WBP11: variants seen among roughly 807,000 people sequenced by gnomAD.
WBP11 encodes WW domain-binding protein 11.
WBP11 carries 12 observed loss-of-function variants against 66.7 expected under a neutral mutation model. The observed-to-expected ratio is 0.18, with a 90% CI of 0.12 to 0.29. WBP11 has a LOEUF of 0.29. WBP11 is among the 10% of genes least tolerant of loss of function. The pLI, the probability that WBP11 is intolerant of heterozygous loss-of-function variation, is 1.00. For missense variants in WBP11, 555 were observed against 818.3 expected, an observed-to-expected ratio of 0.68 and a Z score of 3.93; for synonymous variants, 255 against 273.8, an observed-to-expected ratio of 0.93 and a Z score of 0.68.
In WBP11 at chr12:14,796,786, C is replaced by CA. The variant is rs71438330; in HGVS notation, c.387+20dup. The CA allele has an allele frequency of 0.16, 223,001 of 1,364,244 alleles. 8,527 individuals are homozygous for CA. Among genetic ancestry groups the CA allele is most frequent in the South Asian group, 0.25 (18,063 of 71,250 alleles). The allele number at this position is 1,364,244 out of a possible 1,614,324, so 84.5% of individuals were successfully genotyped here. A position where few individuals can be genotyped will look rare whatever the true frequency, so the allele number is the denominator to read the frequency against. ...CTGTATAATATTTTAGTTTATCTCTCAAAAAAAAAACCTTGATTACCTTGA... is the reference window on the plus strand; with the variant it reads ...CTGTATAATATTTTAGTTTATCTCTCAAAAAAAAAAACCTTGATTACCTTGA... On this transcript the variant is annotated intron_variant, in intron 5 of 11. Transcript: ENST00000261167. This position sits in a 1 kb window ranked among gnomAD's most constrained non-coding sequence, Gnocchi z 4.5.
intron 10 of WBP11, 70 bp downstream of exon 10, chr12:14,790,386 A>G: frequency 6.5e-7 from 1 of 1,533,266 alleles, no homozygotes; most frequent in East Asian, 2.3e-5. Context: ...CACTAACAAC[A>G]CATAGTATTT....
At chr12:14,797,548 T>C (rs1045492991) in intron 4 of WBP11, among the ~76,000 whole-genome samples, 6 of 152,232 alleles carry the variant, frequency 3.9e-5, no homozygotes, top group Admixed American at 3.9e-4. Context: ...TCTCCCTAAC[T>C]AATCATGTGT....
In WBP11 at chr12:14,789,047, G is replaced by GGCCTGGTGGTGGTCC. The variant is rs1949790096; in HGVS notation, c.1381_1395dup (p.Gly461_Gly465dup). 6.6e-7 allele frequency: 1 copy of GGCCTGGTGGTGGTCC among 1,510,730 alleles called. No individual in the cohort carries two copies. Among genetic ancestry groups the GGCCTGGTGGTGGTCC allele is most frequent in the Non-Finnish European group, 8.7e-7 (1 of 1,144,050 alleles). 93.6% of individuals were successfully genotyped at this position (1,510,730 alleles called of 1,614,324 possible). Reference sequence around the variant, plus strand: ...GGACCTGGGGGAGGGCCAGGGGGTCGGCCTGGTGGTGGTCCTGGAGGTAAA... The same window carrying GGCCTGGTGGTGGTCC: ...GGACCTGGGGGAGGGCCAGGGGGTCGGCCTGGTGGTGGTCCGCCTGGTGGTGGTCCTGGAGGTAAA... On this transcript the variant is annotated inframe_insertion, in exon 11 of 12. Coordinates refer to ENST00000261167, the MANE Select transcript of WBP11 (RefSeq NM_016312.3).
intron 2 of WBP11, 98 bp from the exon 3 acceptor site, chr12:14,800,881 A>G: frequency 9.5e-7 from 1 of 1,048,306 alleles, no homozygotes; most frequent in Admixed American, 2.3e-5. Context: ...GTGGAAAGTT[A>G]CAGTATGCAC....
Position 14,801,394 on chromosome 12 carries a change from T to C in WBP11, c.-11A>G. On this transcript the variant is annotated 5_prime_UTR_variant, in exon 2 of 12. Coordinates refer to ENST00000261167, the MANE Select transcript of WBP11 (RefSeq NM_016312.3). Reference sequence around the variant, plus strand: ...AGATCTCCGTCCCATGTTGACAATTTGTATGGTTTACTTGTTCATTAAAAA... The same window carrying C: ...AGATCTCCGTCCCATGTTGACAATTCGTATGGTTTACTTGTTCATTAAAAA... The C allele has an allele frequency of 6.2e-7, 1 of 1,610,254 alleles. No homozygotes were observed. The highest frequency in any genetic ancestry group is 8.5e-7 in the Non-Finnish European group (1 of 1,178,460).
intron 4 of WBP11, among the ~76,000 whole-genome samples, chr12:14,797,986 CTTAA>C (rs779582072): frequency 1.5e-4 from 23 of 152,098 alleles, no homozygotes; most frequent in East Asian, 3.8e-4. Flanking sequence ...GTTAAGACTT[CTTAA>C]TTAAGACAGC....
chr12:14,788,618 A>G (rs1465609064), intron 11 of WBP11, among the ~76,000 whole-genome samples: 1 of 152,214 alleles, frequency 6.6e-6, no homozygotes, highest in East Asian at 1.9e-4. Context: ...CCTTGACATT[A>G]GGTAGAGGTA....
intron 8 of WBP11, 102 bp from the exon 9 acceptor site, chr12:14,791,372 T>A: frequency 1.2e-6 from 1 of 861,084 alleles, no homozygotes; most frequent in Non-Finnish European, 1.8e-6. Context: ...TGCTACCCAC[T>A]ACTTGGCAGA....
rs1178924789 is a variant in WBP11, at chr12:14,799,841, A to G, written c.97-113T>C. ...CCTTGGCTTCTGATCACTTGTTTCA[A>G]CCACCAGAAACAGCTATGTAATTTT... On this transcript the variant is annotated intron_variant, in intron 3 of 11. Transcript: ENST00000261167. The G allele has an allele frequency of 6.7e-6, 6 of 897,558 alleles. No homozygotes were observed. In the African/African-American group the frequency reaches 1.0e-4, roughly 16 times the overall value. 55.6% of individuals were successfully genotyped at this position (897,558 alleles called of 1,614,324 possible).
Position 14,786,839 on chromosome 12 carries a change from G to A in WBP11, c.*226C>T, listed in dbSNP as rs1949759331. 2.2e-6 allele frequency: 1 copy of A among 450,196 alleles called. No individual in the cohort carries two copies. Among genetic ancestry groups the A allele is most frequent in the Non-Finnish European group, 3.9e-6 (1 of 253,898 alleles). The allele number at this position is 450,196 out of a possible 1,614,324, so 27.9% of individuals were successfully genotyped here. On this transcript the variant is annotated 3_prime_UTR_variant, in exon 12 of 12. Transcript: ENST00000261167. ...CAGGGTGAAAATGGTGGTATGAAAG[G>A]GAATGGATGTTAGCAGCACTGCTTC...
In WBP11 at chr12:14,796,656, T is replaced by C; in HGVS notation, c.387+151A>G. 1 of 646,424 alleles carries C rather than the reference T, an allele frequency of 1.5e-6. No individual in the cohort carries two copies. The highest frequency in any genetic ancestry group is 1.9e-5 in the African/African-American group (1 of 52,240). 40.0% of individuals were successfully genotyped at this position (646,424 alleles called of 1,614,324 possible). On this transcript the variant is annotated intron_variant, in intron 5 of 11. Coordinates refer to ENST00000261167, the MANE Select transcript of WBP11 (RefSeq NM_016312.3). The surrounding 1 kb of genome is among the most constrained non-coding windows in gnomAD (Gnocchi z 4.5). Reference sequence around the variant, plus strand: ...TTAGACTAGGGTTCCATCCCCAAAATATATGCAAATATACACAAAAACAAA... The same window carrying C: ...TTAGACTAGGGTTCCATCCCCAAAACATATGCAAATATACACAAAAACAAA...
chr12:14,787,544 A>C (rs766497246), intron 11 of WBP11, 46 bp from the exon 12 acceptor site: 1 of 1,412,654 alleles, frequency 7.1e-7, no homozygotes, highest in East Asian at 2.4e-5. Context: ...GAACTAATAA[A>C]ATTTAACTAC....
At position 14,785,458 on chromosome 12, in the gene WBP11, A is replaced by G. The variant is rs1173575909; in HGVS notation, c.*1607T>C. 7 of 152,158 alleles carry G rather than the reference A, an allele frequency of 4.6e-5. No homozygotes were observed. Among genetic ancestry groups the G allele is most frequent in the Admixed American group, 4.6e-4 (7 of 15,282 alleles). The allele number at this position is 152,158 out of a possible 1,614,324, so 9.4% of individuals were successfully genotyped here. ...GGATGGTGTCAAGGATTGATAACAT[A>G]AGGTTCAATCCTTACATCTGAACAG... is the stretch of plus-strand genomic sequence containing the variant. On this transcript the variant is annotated 3_prime_UTR_variant, in exon 12 of 12. Coordinates refer to ENST00000261167, the MANE Select transcript of WBP11 (RefSeq NM_016312.3).
intron 1 of WBP11, among the ~76,000 whole-genome samples, chr12:14,802,810 T>C (rs967358234): frequency 6.6e-6 from 1 of 152,152 alleles, no homozygotes; most frequent in Non-Finnish European, 1.5e-5. Flanking sequence ...TTTTTTGTGC[T>C]TTCCTTTCTC....
intron 7 of WBP11, 92 bp downstream of exon 7, chr12:14,794,443 TAC>T (rs1233680624): frequency 2.2e-6 from 3 of 1,387,760 alleles, no homozygotes; most frequent in Non-Finnish European, 3.1e-6. Context: ...CCCTCTCATT[TAC>T]TTTCTAAGTT....
intron 11 of WBP11, among the ~76,000 whole-genome samples, 182 bp downstream of exon 11, chr12:14,788,769 T>G (rs1354062383): frequency 1.3e-5 from 2 of 152,198 alleles, no homozygotes; most frequent in African/African-American, 4.8e-5. Context: ...GTTCCTCAAG[T>G]GAACCAAGTG....
At position 14,785,975 on chromosome 12, in the gene WBP11, G is replaced by T. The variant is rs905864263; in HGVS notation, c.*1090C>A. 1 of 152,104 alleles carries T rather than the reference G, an allele frequency of 6.6e-6. No individual in the cohort carries two copies. The highest frequency in any genetic ancestry group is 6.5e-5 in the Admixed American group (1 of 15,268). The allele number at this position is 152,104 out of a possible 1,614,324, so 9.4% of individuals were successfully genotyped here. On this transcript the variant is annotated 3_prime_UTR_variant, in exon 12 of 12. Coordinates refer to ENST00000261167, the MANE Select transcript of WBP11 (RefSeq NM_016312.3). ...ACTTACTAAGAGTTAGTCTAAATTG[G>T]TAGATGAGTTTACATTAAAGCACTT...
chr12:14,800,803 G>C lies in WBP11; in HGVS notation c.65-20C>G. 6.3e-7 allele frequency: 1 copy of C among 1,587,574 alleles called. No homozygotes were observed. The highest frequency in any genetic ancestry group is 8.6e-7 in the Non-Finnish European group (1 of 1,165,530). On this transcript the variant is annotated intron_variant, in intron 2 of 11. Transcript: ENST00000261167. The stretch of plus-strand genomic sequence containing the variant: ...CCTTTCCTTTAAAAGGAGAGAGGGA[G>C]ATATAATAAAATCTTTGAATCTTGA...
Position 14,800,780 on chromosome 12 carries a change from T to C in WBP11, c.68A>G (p.Lys23Arg). Residue 23 changes from lysine to arginine, a missense_variant, in exon 3 of 12, where the codon AAG (lysine) becomes AGG (arginine). By Grantham distance (26) the Lys-to-Arg change is conservative (BLOSUM62 2). Coordinates refer to ENST00000261167, the MANE Select transcript of WBP11 (RefSeq NM_016312.3). ...CTTTAATTCTCTCTTCCGGGCTTCC[T>C]TTCCTTTAAAAGGAGAGAGGGAGAT... ...KFMNPTDQAR[K>R]EARKRELKKN... 1 of 1,605,324 alleles carries C rather than the reference T, an allele frequency of 6.2e-7. No homozygotes were observed. Among genetic ancestry groups the C allele is most frequent in the Non-Finnish European group, 8.5e-7 (1 of 1,175,538 alleles).
Sources: allele counts gnomAD v4.1 joint callset (sites outside exome capture counted in the v4.1 genomes callset), GRCh38; gene constraint gnomAD v4.1.1; non-coding constraint Gnocchi (gnomAD v3.1); transcripts MANE v1.5; gene names NCBI Gene and HGNC (gene_info 2026-07-23, HGNC 2026-07-21).